IL1RL1: variants seen among roughly 807,000 people sequenced by gnomAD.
The protein encoded by IL1RL1 is interleukin 1 receptor like 1.
In IL1RL1, 32 loss-of-function variants were observed where a neutral mutation model predicts 50.9. That is an observed-to-expected ratio of 0.63 (90% confidence interval 0.47 to 0.84). The LOEUF is 0.84. IL1RL1 is among the 40% of genes least tolerant of loss of function. IL1RL1 has a pLI of 0.00. For synonymous variants in IL1RL1, 275 were observed against 236.0 expected, an observed-to-expected ratio of 1.17 and a Z score of -1.51; for missense variants, 773 against 662.9, an observed-to-expected ratio of 1.17 and a Z score of -1.82.
chr2:102,342,185 A>G (rs748652416), intron 5 of IL1RL1, 38 bp from the exon 6 acceptor site: 18 of 1,393,344 alleles, frequency 1.3e-5, no homozygotes, highest in Middle Eastern at 1.9e-4. Flanking sequence ...CTAGCATTCA[A>G]TGCTCTCCTA....
intron 9 of IL1RL1, 127 bp downstream of exon 9, chr2:102,348,218 A>T: frequency 1.4e-6 from 1 of 714,392 alleles, no homozygotes; most frequent in South Asian, 1.9e-5. Flanking sequence ...CTAATCTGTT[A>T]TCAGTGAGTT....
chr2:102,317,733 T>G (rs1353889345), intron 1 of IL1RL1, among the ~76,000 whole-genome samples: 1 of 152,066 alleles, frequency 6.6e-6, no homozygotes, highest in African/African-American at 2.4e-5. Context: ...CCATAGACCA[T>G]TCAGTGTGTT....
intron 5 of IL1RL1, chr2:102,341,353 C>A: frequency 8.3e-7 from 1 of 1,211,682 alleles, no homozygotes; most frequent in Non-Finnish European, 1.1e-6. Context: ...CATCAATGGC[C>A]TTGAGTAAGT....
chr2:102,343,363 G>A lies in IL1RL1; in HGVS notation c.918G>A (p.Leu306=). The A allele has an allele frequency of 6.2e-7, 1 of 1,614,196 alleles. No individual in the cohort carries two copies. The highest frequency in any genetic ancestry group is 2.2e-5 in the East Asian group (1 of 44,888). Residue 306 remains leucine, a synonymous_variant, in exon 8 of 11, where the codon CTG becomes CTA. Coordinates refer to ENST00000233954, the MANE Select transcript of IL1RL1 (RefSeq NM_016232.5). ...DLLLQYDCLA[L]NLHGLRRHTV... ...TGCTGCAGTACGACTGTCTGGCCCT[G>A]AATTTGCATGGCTTGAGAAGGCACA...
chr2:102,332,160 C>T (rs1317453796), intron 1 of IL1RL1, among the ~76,000 whole-genome samples: 3 of 152,148 alleles, frequency 2.0e-5, no homozygotes, highest in Non-Finnish European at 4.4e-5. Context: ...AGACAAAACT[C>T]ACAAAAATAA....
intron 1 of IL1RL1, among the ~76,000 whole-genome samples, chr2:102,332,498 T>G (rs1252711774): frequency 2.0e-5 from 3 of 152,156 alleles, no homozygotes; most frequent in African/African-American, 7.2e-5. Context: ...TACAGACCCA[T>G]GCTACAATAT....
At chr2:102,318,280 C>A (rs1186969763) in intron 1 of IL1RL1, among the ~76,000 whole-genome samples, 1 of 152,056 alleles carries the variant, frequency 6.6e-6, no homozygotes, top group African/African-American at 2.4e-5. Flanking sequence ...GGTCACATGG[C>A]TGAGTTCTGG....
rs146586129 is a variant in IL1RL1, at chr2:102,347,132, TG to T, written c.971-812del. ...TTGCTTCTTCTCCTACCTCCCACAC[TG>T]CTAAGCCCTTAGAGGCAACAAGTGT... On this transcript the variant is annotated intron_variant, in intron 8 of 10. Coordinates refer to ENST00000233954, the MANE Select transcript of IL1RL1 (RefSeq NM_016232.5). Among the ~76,000 whole-genome samples, 928 of 152,342 alleles carry T rather than the reference TG, an allele frequency of 6.1e-3. 17 individuals carry two copies. The highest frequency in any genetic ancestry group is 0.021 in the African/African-American group (871 of 41,588).
chr2:102,333,691 A>G (rs889016315), intron 1 of IL1RL1, among the ~76,000 whole-genome samples: 2 of 152,120 alleles, frequency 1.3e-5, no homozygotes, highest in African/African-American at 2.4e-5. Flanking sequence ...TCTTACCCAA[A>G]TTGTGAATAT....
chr2:102,335,445 G>A (rs1357978801), intron 1 of IL1RL1, among the ~76,000 whole-genome samples: 11 of 152,064 alleles, frequency 7.2e-5, no homozygotes, highest in Admixed American at 7.2e-4. Flanking sequence ...GCCACAACTG[G>A]GTGAACTTTG....
At position 102,338,268 on chromosome 2, in the gene IL1RL1, G is replaced by T; in HGVS notation, c.4G>T (p.Gly2Trp). The T allele has an allele frequency of 6.2e-7, 1 of 1,604,124 alleles. No individual in the cohort carries two copies. Among genetic ancestry groups the T allele is most frequent in the Non-Finnish European group, 8.5e-7 (1 of 1,172,642 alleles). Residue 2 changes from glycine (G) to tryptophan (W), a missense_variant, in exon 2 of 11, where the codon GGG becomes TGG. Coordinates refer to ENST00000233954, the MANE Select transcript of IL1RL1 (RefSeq NM_016232.5). ...TTGCTCTTGATTGATAAACAGAATG[G>T]GGTTTTGGATCTTAGCAATTCTCAC... M[G>W]FWILAILTIL...
At chr2:102,312,395 C>T (rs1676544145) in intron 1 of IL1RL1, among the ~76,000 whole-genome samples, 1 of 151,506 alleles carries the variant, frequency 6.6e-6, no homozygotes, top group African/African-American at 2.4e-5. Flanking sequence ...CCCTTGAAAT[C>T]TTGTTTGTGT....
rs776194504 is a variant in IL1RL1 at position 102,343,086 on chromosome 2, T to G, written c.733T>G (p.Phe245Val). The G allele has an allele frequency of 1.9e-6, 3 of 1,614,050 alleles. No homozygotes were observed. The South Asian group carries it at 3.3e-5, about 18-fold the overall frequency. The stretch of plus-strand genomic sequence containing the variant: ...TGCTTGTTTTGGAAAAGGCACTCAG[T>G]TCTTGGCTGCCGTCCTGTGGCAGCT... ...CSACFGKGTQ[F>V]LAAVLWQLNG... Residue 245 changes from phenylalanine to valine, a missense_variant, in exon 7 of 11, where the codon TTC becomes GTC. By Grantham distance (50) the Phe-to-Val change is conservative. Transcript: ENST00000233954.
chr2:102,318,233 G>A (rs1027521011), intron 1 of IL1RL1, among the ~76,000 whole-genome samples: 1 of 152,188 alleles, frequency 6.6e-6, no homozygotes, highest in African/African-American at 2.4e-5. Flanking sequence ...GCAAGAGATG[G>A]TGGTGGCTTG....
At chr2:102,341,390 A>G (rs1433914150) in intron 5 of IL1RL1, 4 of 1,070,266 alleles carry the variant, frequency 3.7e-6, no homozygotes, top group Non-Finnish European at 4.7e-6. Flanking sequence ...TGTGTTTTCC[A>G]AGTTATTTTA....
At chr2:102,313,197 T>C (rs1676572330) in intron 1 of IL1RL1, 1 of 152,160 alleles carries the variant, frequency 6.6e-6, no homozygotes, top group Non-Finnish European at 1.5e-5. Flanking sequence ...TTAGTAATAA[T>C]ATCATGTTTA....
At position 102,351,603 on chromosome 2, in the gene IL1RL1, G is replaced by T. The variant is rs773085837; in HGVS notation, c.1353G>T (p.Gln451His). The T allele has an allele frequency of 6.2e-7, 1 of 1,614,110 alleles. No individual in the cohort carries two copies. Among genetic ancestry groups the T allele is most frequent in the South Asian group, 1.1e-5 (1 of 91,078 alleles). Residue 451 changes from glutamine to histidine, a missense_variant, in exon 11 of 11, where the codon CAG (glutamine) becomes CAT (histidine). Physicochemically the swap from Gln to His is conservative, Grantham distance 24. Coordinates refer to ENST00000233954, the MANE Select transcript of IL1RL1 (RefSeq NM_016232.5). Reference protein sequence around the residue: ...SRRHIFILTPQITHNKEFAYE... With the variant: ...SRRHIFILTPHITHNKEFAYE... ...GGCACATTTTCATCCTGACCCCTCAGATCACTCACAATAAGGAGTTTGCCT... is the reference window on the plus strand; with the variant it reads ...GGCACATTTTCATCCTGACCCCTCATATCACTCACAATAAGGAGTTTGCCT...
At chr2:102,335,804 C>T (rs1258672787) in intron 1 of IL1RL1, among the ~76,000 whole-genome samples, 1 of 152,140 alleles carries the variant, frequency 6.6e-6, no homozygotes, top group Admixed American at 6.5e-5. Flanking sequence ...ATTGAACAAA[C>T]CTATTCAGCA....
At chr2:102,341,463 A>T (rs1045987141) in intron 5 of IL1RL1, 2 of 511,132 alleles carry the variant, frequency 3.9e-6, no homozygotes, top group Non-Finnish European at 5.5e-6. Flanking sequence ...TCTACAAAGG[A>T]TTGGGGTCTC....
Sources: gnomAD v4.1 joint callset for allele counts (sites outside exome capture counted in the v4.1 genomes callset) on GRCh38, gnomAD v4.1.1 for gene constraint, MANE v1.5 for transcripts, NCBI Gene and HGNC (gene_info 2026-07-23, HGNC 2026-07-21) for gene names.